LSM14A: variants seen among roughly 807,000 people sequenced by gnomAD.
LSM14A encodes LSM14A mRNA processing body assembly factor.
In LSM14A, 14 loss-of-function variants were observed where a neutral mutation model predicts 52.4. The observed-to-expected ratio is 0.27, with a 90% CI of 0.18 to 0.42. LSM14A has a LOEUF of 0.42. LSM14A is among the 10% of genes least tolerant of loss of function. The probability of loss-of-function intolerance (pLI) is 1.00; values close to 1 mark genes in which losing one functional copy is unlikely to be tolerated. For missense variants in LSM14A, 417 were observed against 581.8 expected (o/e 0.72, Z 2.91); for synonymous variants, 185 against 200.3 (o/e 0.92, Z 0.64).
At chr19:34,198,138 T>C (rs922698825) in intron 3 of LSM14A, among the ~76,000 whole-genome samples, 1 of 152,204 alleles carries the variant, frequency 6.6e-6, no homozygotes. Flanking sequence ...AATTATCAGT[T>C]TACTGTTTCA....
chr19:34,215,067 C>G (rs2072474686), intron 4 of LSM14A, 57 bp from the exon 5 acceptor site: 1 of 1,424,024 alleles, frequency 7.0e-7, no homozygotes. Flanking sequence ...TTTTTAGGGT[C>G]TAGATTATTT....
intron 3 of LSM14A, chr19:34,208,253 T>C (rs752295236): frequency 6.6e-5 from 10 of 152,212 alleles, no homozygotes; most frequent in African/African-American, 1.2e-4. Context: ...TGTTGAAATA[T>C]AGTGAAAACC....
At chr19:34,215,402 A>T in intron 5 of LSM14A, 102 bp downstream of exon 5, 2 of 1,208,596 alleles carry the variant, frequency 1.7e-6, no homozygotes, top group Admixed American at 2.7e-5. Context: ...GATCCCAGAA[A>T]ATTAAACTGA....
At chr19:34,216,890 A>G (rs930254301) in intron 6 of LSM14A, among the ~76,000 whole-genome samples, 1 of 152,160 alleles carries the variant, frequency 6.6e-6, no homozygotes, top group Admixed American at 6.5e-5. Flanking sequence ...GGATTATAAA[A>G]TTGGTTTTCA....
At chr19:34,216,185 G>T (rs866067882) in intron 6 of LSM14A, among the ~76,000 whole-genome samples, 1 of 152,074 alleles carries the variant, frequency 6.6e-6, no homozygotes, top group African/African-American at 2.4e-5. Context: ...AGGCCGGGGC[G>T]GGCGGATCAC....
chr19:34,215,089 A>G (rs199611057), intron 4 of LSM14A, 35 bp from the exon 5 acceptor site: 143 of 1,558,394 alleles, frequency 9.2e-5, no homozygotes, highest in African/African-American at 7.7e-4. Flanking sequence ...GAAATCCCCA[A>G]TAGGGTAGTT....
chr19:34,208,817 T>C, intron 3 of LSM14A, 112 bp from the exon 4 acceptor site: 1 of 698,302 alleles, frequency 1.4e-6, no homozygotes, highest in African/African-American at 1.8e-5. Flanking sequence ...GTACAGATGC[T>C]GGGGGGAGAG....
chr19:34,201,436 G>A (rs926850809), intron 3 of LSM14A, among the ~76,000 whole-genome samples: 2 of 152,138 alleles, frequency 1.3e-5, no homozygotes, highest in Non-Finnish European at 2.9e-5. Context: ...CCCTCCTCCC[G>A]GGTTCAAGCG....
At chr19:34,217,119 T>C (rs1354201463) in intron 6 of LSM14A, among the ~76,000 whole-genome samples, 1 of 151,828 alleles carries the variant, frequency 6.6e-6, no homozygotes, top group Non-Finnish European at 1.5e-5. Flanking sequence ...ATTAGCTGGG[T>C]GTGGTGGCAC....
intron 3 of LSM14A, among the ~76,000 whole-genome samples, chr19:34,199,105 ATTATTGGTG>A (rs2071096736): frequency 6.6e-6 from 1 of 152,082 alleles, no homozygotes; most frequent in Admixed American, 6.6e-5. Flanking sequence ...TTTGATTTGT[ATTATTGGTG>A]TTATTATTTA....
intron 6 of LSM14A, 74 bp from the exon 7 acceptor site, chr19:34,219,317 C>T: frequency 1.1e-6 from 1 of 943,796 alleles, no homozygotes; most frequent in Non-Finnish European, 1.6e-6. Context: ...ATCTAAAGAG[C>T]ACAATAGCAA....
chr19:34,213,264 G>A (rs192141170), intron 4 of LSM14A, among the ~76,000 whole-genome samples: 1 of 152,246 alleles, frequency 6.6e-6, no homozygotes, highest in Admixed American at 6.5e-5. Context: ...TGGAAAAATT[G>A]TAATGCTTCT....
intron 4 of LSM14A, among the ~76,000 whole-genome samples, chr19:34,214,161 GA>G (rs1253512301): frequency 1.3e-5 from 2 of 152,072 alleles, no homozygotes; most frequent in African/African-American, 4.8e-5. Flanking sequence ...GTAATTATCT[GA>G]AGGGTTTTTT....
intron 1 of LSM14A, among the ~76,000 whole-genome samples, chr19:34,192,319 G>GTTGTTGTTTTTTTTTTTTT (rs60512063): frequency 5.6e-5 from 3 of 53,408 alleles, no homozygotes; most frequent in African/African-American, 2.4e-4. Flanking sequence ...TCTTTTTGTT[G>GTTGTTGTTTTTTTTTTTTT]TTTTTTTTTT....
At chr19:34,215,049 G>A (rs191399381) in intron 4 of LSM14A, 75 bp from the exon 5 acceptor site, 3 of 1,259,158 alleles carry the variant, frequency 2.4e-6, no homozygotes, top group South Asian at 1.5e-5. Flanking sequence ...TAAAACTCTG[G>A]ACAATTTTTT....
chr19:34,194,662 C>A (rs1384861320), intron 2 of LSM14A, 21 bp downstream of exon 2: 1 of 1,613,206 alleles, frequency 6.2e-7, no homozygotes, highest in Admixed American at 1.7e-5. Flanking sequence ...GTAAATTTGT[C>A]TTGGAGTACA....
chr19:34,180,278 G>A (rs1432749821), intron 1 of LSM14A, among the ~76,000 whole-genome samples: 1 of 152,102 alleles, frequency 6.6e-6, no homozygotes, highest in Non-Finnish European at 1.5e-5. Flanking sequence ...TTATTCCCAA[G>A]GGCCTTATTC....
chr19:34,226,513 G>T (rs754493520), intron 9 of LSM14A: 255 of 1,439,696 alleles, frequency 1.8e-4, no homozygotes, highest in Non-Finnish European at 2.2e-4. Flanking sequence ...CTTTGTGGGG[G>T]ACAGCAGGTT....
chr19:34,181,995 CCT>C (rs202057829), intron 1 of LSM14A, among the ~76,000 whole-genome samples: 5 of 152,046 alleles, frequency 3.3e-5, no homozygotes, highest in Non-Finnish European at 7.4e-5. Flanking sequence ...ATCCTTAATT[CCT>C]CTCTCTCTGT....
Sources: gnomAD v4.1 joint callset for allele counts (sites outside exome capture counted in the v4.1 genomes callset) on GRCh38, gnomAD v4.1.1 for gene constraint, MANE v1.5 for transcripts, NCBI Gene and HGNC (gene_info 2026-07-23, HGNC 2026-07-21) for gene names.